Variants in CAMK2D observed in about 807,000 individuals in gnomAD.
CAMK2D encodes calcium/calmodulin dependent protein kinase II delta.
In CAMK2D, 37 loss-of-function variants were observed where a neutral mutation model predicts 84.0. The ratio of observed to expected loss-of-function variants is 0.44; its 90% CI spans 0.34 to 0.58. The LOEUF (loss-of-function observed/expected upper bound fraction) is 0.58, where lower values mean the gene tolerates loss of function less well. Among genes scored for constraint, CAMK2D ranks in the 20% least tolerant of loss-of-function variants. The pLI is 0.02. For missense variants in CAMK2D, 448 were observed against 652.5 expected (o/e 0.69, Z 3.41); for synonymous variants, 202 against 212.5 (o/e 0.95, Z 0.43).
chr4:113,626,121 C>G (rs1444156124), intron 3 of CAMK2D, among the ~76,000 whole-genome samples: 2 of 151,836 alleles, frequency 1.3e-5, no homozygotes, highest in East Asian at 1.9e-4. Context: ...GTAGAGCAGA[C>G]AGGAACTGCT....
chr4:113,567,800 T>A (rs2098732918), intron 4 of CAMK2D, among the ~76,000 whole-genome samples: 1 of 152,174 alleles, frequency 6.6e-6, no homozygotes, highest in African/African-American at 2.4e-5. Context: ...GATGTAAAAT[T>A]AAAGAGCTAA....
intron 3 of CAMK2D, among the ~76,000 whole-genome samples, chr4:113,643,855 T>C (rs755828089): frequency 5.9e-5 from 9 of 152,226 alleles, no homozygotes; most frequent in Admixed American, 6.5e-5. Flanking sequence ...CTCAGTGTCA[T>C]GTTAAACTCA....
intron 2 of CAMK2D, among the ~76,000 whole-genome samples, chr4:113,700,163 A>C (rs916850303): frequency 6.6e-6 from 1 of 152,158 alleles, no homozygotes; most frequent in South Asian, 2.1e-4. Flanking sequence ...ACCAAAGAAA[A>C]CCTGCTAACT....
intron 4 of CAMK2D, among the ~76,000 whole-genome samples, chr4:113,595,883 G>A (rs566247052): frequency 6.6e-6 from 1 of 152,268 alleles, no homozygotes; most frequent in Non-Finnish European, 1.5e-5. Flanking sequence ...AGCTAGGGTG[G>A]CTGTCGTAGG....
chr4:113,630,158 G>A (rs959590744), intron 3 of CAMK2D, among the ~76,000 whole-genome samples: 1 of 152,154 alleles, frequency 6.6e-6, no homozygotes, highest in Non-Finnish European at 1.5e-5. Flanking sequence ...GAAGAGAACT[G>A]TTTATACAGA....
intron 4 of CAMK2D, among the ~76,000 whole-genome samples, chr4:113,599,692 T>C (rs2098943444): frequency 6.6e-6 from 1 of 152,040 alleles, no homozygotes; most frequent in South Asian, 2.1e-4. Context: ...GATAACAGAG[T>C]TGATTAACAC....
At chr4:113,505,540 A>G (rs190687984) in intron 13 of CAMK2D, among the ~76,000 whole-genome samples, 1 of 152,308 alleles carries the variant, frequency 6.6e-6, no homozygotes, top group East Asian at 1.9e-4. Flanking sequence ...CTTCTGAGAA[A>G]ACGCTGGTGT....
In CAMK2D at chr4:113,453,268, T is replaced by C. The variant is rs1367009767; in HGVS notation, c.*1277A>G. The C allele has an allele frequency of 6.6e-6, 1 of 152,176 alleles. No individual in the cohort carries two copies. Among genetic ancestry groups the C allele is most frequent in the Non-Finnish European group, 1.5e-5 (1 of 68,032 alleles). 9.4% of individuals were successfully genotyped at this position (152,176 alleles called of 1,614,324 possible). On this transcript the variant is annotated 3_prime_UTR_variant, in exon 21 of 21. Transcript: ENST00000511664. ...TCACAAAGATCAAGTTCAAAACACT[T>C]ATGAGAATGGCAAACATTTGTAAGC...
At chr4:113,714,829 CT>C (rs969544634) in intron 2 of CAMK2D, among the ~76,000 whole-genome samples, 1 of 152,036 alleles carries the variant, frequency 6.6e-6, no homozygotes, top group African/African-American at 2.4e-5. Flanking sequence ...TGTTTTTCTC[CT>C]GTTGATCTGT....
intron 2 of CAMK2D, among the ~76,000 whole-genome samples, chr4:113,688,967 G>A (rs563322457): frequency 4.7e-5 from 7 of 149,322 alleles, no homozygotes; most frequent in South Asian, 2.1e-4. Context: ...AATGATGGCC[G>A]GGTGCAGTGG....
Position 113,695,854 on chromosome 4 carries a change from C to T in CAMK2D, c.161-34082G>A, listed in dbSNP as rs575743575. 3.3e-4 allele frequency among the ~76,000 whole-genome samples: 50 copies of T among 152,216 alleles called. No individual in the cohort carries two copies. In the South Asian group the frequency reaches 1.0e-2, roughly 30 times the overall value. ...AAAACCTTCCAAATGGTCCCCATCG[C>T]TCACAGTGTAAATGATACAGCTCTT... On this transcript the variant is annotated intron_variant, in intron 2 of 20. Transcript: ENST00000511664.
At chr4:113,527,992 T>G (rs1487479289) in intron 8 of CAMK2D, among the ~76,000 whole-genome samples, 1 of 152,164 alleles carries the variant, frequency 6.6e-6, no homozygotes, top group African/African-American at 2.4e-5. Context: ...ATTCAGAAGC[T>G]GTGAAATCTG....
At chr4:113,581,942 C>G (rs2098812409) in intron 4 of CAMK2D, among the ~76,000 whole-genome samples, 1 of 152,184 alleles carries the variant, frequency 6.6e-6, no homozygotes, top group South Asian at 2.1e-4. Flanking sequence ...CTATGCTCAT[C>G]TCCCTTTCCA....
intron 2 of CAMK2D, among the ~76,000 whole-genome samples, chr4:113,704,703 C>T (rs917003416): frequency 8.5e-5 from 13 of 152,178 alleles, no homozygotes; most frequent in African/African-American, 2.9e-4. Context: ...CTCATACACA[C>T]TATAAAGCCC....
At position 113,514,280 on chromosome 4, in the gene CAMK2D, G is replaced by A. The variant is rs189993264; in HGVS notation, c.820-367C>T. 3.9e-5 allele frequency among the ~76,000 whole-genome samples: 6 copies of A among 152,294 alleles called. No individual in the cohort carries two copies. In the East Asian group the frequency reaches 9.6e-4, roughly 24 times the overall value. On this transcript the variant is annotated intron_variant, in intron 10 of 20. Coordinates refer to ENST00000511664, the MANE Select transcript of CAMK2D (RefSeq NM_001321571.2). ...ATACAAAAATTAGCCGGGCGTGGTG[G>A]TGGGCACCTGTAATCCCAGCTACTC...
chr4:113,603,711 TTA>T (rs1310042740), intron 4 of CAMK2D, among the ~76,000 whole-genome samples: 1 of 147,512 alleles, frequency 6.8e-6, no homozygotes, highest in Non-Finnish European at 1.5e-5. Context: ...TTTCTTGTTA[TTA>T]TATATGTTTC....
chr4:113,469,538 T>C (rs1304073892), intron 16 of CAMK2D, among the ~76,000 whole-genome samples: 3 of 152,224 alleles, frequency 2.0e-5, no homozygotes, highest in Non-Finnish European at 4.4e-5. Context: ...CACCAGTGTT[T>C]TAAATAGTCA....
intron 15 of CAMK2D, among the ~76,000 whole-genome samples, chr4:113,502,341 T>C (rs2098059572): frequency 6.6e-6 from 1 of 151,642 alleles, no homozygotes; most frequent in Non-Finnish European, 1.5e-5. Flanking sequence ...AACAAACATA[T>C]TTCACAAAAA....
chr4:113,715,579 A>G (rs749290299), intron 2 of CAMK2D, among the ~76,000 whole-genome samples: 4 of 152,152 alleles, frequency 2.6e-5, no homozygotes, highest in Admixed American at 1.3e-4. Context: ...ATTAATTTCT[A>G]TGGAGCATTC....
Sources: gnomAD v4.1 joint callset for allele counts (sites outside exome capture counted in the v4.1 genomes callset) on GRCh38, gnomAD v4.1.1 for gene constraint, MANE v1.5 for transcripts, NCBI Gene and HGNC (gene_info 2026-07-23, HGNC 2026-07-21) for gene names.